GRM7: variants seen among roughly 807,000 people sequenced by gnomAD.
The protein encoded by GRM7 is metabotropic glutamate receptor 7.
In GRM7, 35 loss-of-function variants were observed where a neutral mutation model predicts 84.5. The ratio of observed to expected loss-of-function variants is 0.41; its 90% CI spans 0.32 to 0.55. The LOEUF (loss-of-function observed/expected upper bound fraction) is 0.55, where lower values mean the gene tolerates loss of function less well. Among genes scored for constraint, GRM7 ranks in the 20% least tolerant of loss-of-function variants. GRM7 has a pLI of 0.19. For missense variants in GRM7, 1,003 were observed against 1,194.6 expected, an observed-to-expected ratio of 0.84 and a Z score of 2.36; for synonymous variants, 487 against 455.1, an observed-to-expected ratio of 1.07 and a Z score of -0.89.
intron 2 of GRM7, among the ~76,000 whole-genome samples, chr3:7,297,252 C>A (rs1699846623): frequency 6.6e-6 from 1 of 152,100 alleles, no homozygotes; most frequent in East Asian, 1.9e-4. Context: ...CTCTTTGATG[C>A]ATGGGTTATT....
chr3:7,649,139 G>T (rs1444528022), intron 8 of GRM7, among the ~76,000 whole-genome samples: 1 of 151,440 alleles, frequency 6.6e-6, no homozygotes, highest in East Asian at 1.9e-4. Context: ...GTGCGATCTC[G>T]GCTCACTGCT....
chr3:7,416,877 C>T (rs1462175278), intron 5 of GRM7, among the ~76,000 whole-genome samples: 2 of 152,054 alleles, frequency 1.3e-5, no homozygotes, highest in African/African-American at 4.8e-5. Context: ...TGACAGGGTA[C>T]ATTCAAGTGC....
intron 7 of GRM7, among the ~76,000 whole-genome samples, chr3:7,496,664 G>A (rs1699713967): frequency 6.6e-6 from 1 of 152,058 alleles, no homozygotes; most frequent in Non-Finnish European, 1.5e-5. Context: ...TTCTGATTTA[G>A]TAACTTTACT....
intron 9 of GRM7, among the ~76,000 whole-genome samples, chr3:7,703,379 C>G (rs4435629): frequency 0.51 from 77,889 of 151,568 alleles, 20,765 homozygotes; most frequent in East Asian, 0.84. Context: ...AGACAAGGGT[C>G]CTCATCGATG....
rs544840586 is a variant in GRM7, at chr3:7,070,984, A to G, written c.520-75468A>G. Among the ~76,000 whole-genome samples, 378 of 152,190 alleles carry G rather than the reference A, an allele frequency of 2.5e-3. 1 individual carries two copies. The highest frequency in any genetic ancestry group is 8.6e-3 in the African/African-American group (358 of 41,560). On this transcript the variant is annotated intron_variant, in intron 1 of 9. Transcript: ENST00000357716. Reference sequence around the variant, plus strand: ...GTTATCTAAGACTTTTCAAGAGCACACTGGGGTTTTTCATTTCAGATCCTC... The same window carrying G: ...GTTATCTAAGACTTTTCAAGAGCACGCTGGGGTTTTTCATTTCAGATCCTC...
At chr3:6,927,647 T>A (rs955481689) in intron 1 of GRM7, among the ~76,000 whole-genome samples, 3 of 152,076 alleles carry the variant, frequency 2.0e-5, no homozygotes, top group Non-Finnish European at 2.9e-5. Context: ...TTACATGCAT[T>A]TATGTTCATA....
At position 7,427,728 on chromosome 3, in the gene GRM7, T is replaced by C. The variant is rs374485841; in HGVS notation, c.1174+12565T>C. ...TTAGTTGAGAAAGGTAAAACCCCAA[T>C]TGATCTTTTTTACTCCCCTCTGAGA... is the stretch of plus-strand genomic sequence containing the variant. On this transcript the variant is annotated intron_variant, in intron 5 of 9. Transcript: ENST00000357716. 3.1e-4 allele frequency among the ~76,000 whole-genome samples: 47 copies of C among 152,254 alleles called. No homozygotes were observed. In the East Asian group the frequency reaches 7.1e-3, roughly 23 times the overall value.
chr3:6,926,068 T>C (rs1177203673), intron 1 of GRM7, among the ~76,000 whole-genome samples: 1 of 151,976 alleles, frequency 6.6e-6, no homozygotes, highest in Non-Finnish European at 1.5e-5. Flanking sequence ...CCCCAAAACC[T>C]CCCACACACA....
chr3:6,931,826 G>T lies in GRM7; in HGVS notation c.519+69919G>T, dbSNP rs953272656. On this transcript the variant is annotated intron_variant, in intron 1 of 9. Transcript: ENST00000357716. ...AGCACAGATGCCTGGAAGGCAGTAG[G>T]CATTTGAAACGCTGGAATGCATTCA... Among the ~76,000 whole-genome samples the T allele has an allele frequency of 4.3e-4, 65 of 152,226 alleles. 3 individuals are homozygous for T. Among genetic ancestry groups the T allele is most frequent in the Non-Finnish European group, 1.5e-5 (1 of 68,042 alleles).
rs559632643 is a variant in GRM7, at chr3:7,716,073, T to C, written c.2699-24284T>C. ...CTCCCAAGGAACCTATCACCTGTCT[T>C]GAATGCAGGGGTATCTGAGAAAACC... On this transcript the variant is annotated intron_variant, in intron 9 of 9. Coordinates refer to ENST00000357716, the MANE Select transcript of GRM7 (RefSeq NM_000844.4). 9.8e-5 allele frequency among the ~76,000 whole-genome samples: 15 copies of C among 152,288 alleles called. No individual in the cohort carries two copies. The East Asian group carries it at 2.9e-3, about 30-fold the overall frequency.
intron 1 of GRM7, among the ~76,000 whole-genome samples, chr3:7,073,844 C>G (rs1275338924): frequency 6.6e-6 from 1 of 151,890 alleles, no homozygotes; most frequent in Non-Finnish European, 1.5e-5. Context: ...GTAGAGCTAC[C>G]TAAGTAAGCA....
chr3:7,034,201 C>T (rs1696294570), intron 1 of GRM7, among the ~76,000 whole-genome samples: 1 of 152,012 alleles, frequency 6.6e-6, no homozygotes, highest in South Asian at 2.1e-4. Context: ...TCCTAAATTG[C>T]TGTCATTGCC....
rs369770456 is a variant in GRM7 at position 7,615,858 on chromosome 3, TTA to T, written c.2451+36503_2451+36504del. Among the ~76,000 whole-genome samples, 34 of 152,244 alleles carry T rather than the reference TTA, an allele frequency of 2.2e-4. 1 individual carries two copies. The highest frequency in any genetic ancestry group is 7.7e-4 in the African/African-American group (32 of 41,542). ...ACTCCTCAATGCCTTGAAGAAGGTT[TTA>T]TGTGTGTATGAGTGTATATGTATAT... On this transcript the variant is annotated intron_variant, in intron 8 of 9. Coordinates refer to ENST00000357716, the MANE Select transcript of GRM7 (RefSeq NM_000844.4).
intron 2 of GRM7, among the ~76,000 whole-genome samples, chr3:7,194,014 A>T (rs564098481): frequency 1.3e-5 from 2 of 152,246 alleles, no homozygotes; most frequent in South Asian, 4.1e-4. Context: ...CATAATACAC[A>T]ATAAATTTCA....
intron 1 of GRM7, among the ~76,000 whole-genome samples, chr3:7,013,320 C>T (rs935000662): frequency 6.6e-6 from 1 of 152,048 alleles, no homozygotes; most frequent in Non-Finnish European, 1.5e-5. Context: ...TTTTTCTCCC[C>T]ATCCCTCATT....
chr3:7,239,583 G>A (rs928734064), intron 2 of GRM7, among the ~76,000 whole-genome samples: 14 of 152,100 alleles, frequency 9.2e-5, no homozygotes, highest in African/African-American at 2.9e-4. Flanking sequence ...GAATGTTTCC[G>A]GATGAGATTA....
At chr3:7,452,486 A>G (rs1025798298) in intron 5 of GRM7, 121 bp from the exon 6 acceptor site, 8 of 712,728 alleles carry the variant, frequency 1.1e-5, no homozygotes, top group African/African-American at 3.5e-5. Flanking sequence ...TACTGTATTT[A>G]TCGAAGCAGT....
chr3:6,866,518 T>G (rs1694943410), intron 1 of GRM7, among the ~76,000 whole-genome samples: 1 of 152,214 alleles, frequency 6.6e-6, no homozygotes. Flanking sequence ...ACTAGTCAAG[T>G]TAATTTCCTG....
intron 4 of GRM7, among the ~76,000 whole-genome samples, chr3:7,367,965 C>CAAT (rs71613874): frequency 4.1e-3 from 63 of 15,472 alleles, no homozygotes; most frequent in African/African-American, 0.015. Context: ...AAAAAATCAA[C>CAAT]AACAACAACA....
Sources: gnomAD v4.1 joint callset for allele counts (sites outside exome capture counted in the v4.1 genomes callset) on GRCh38, gnomAD v4.1.1 for gene constraint, MANE v1.5 for transcripts, NCBI Gene and HGNC (gene_info 2026-07-23, HGNC 2026-07-21) for gene names.